Variants in XPA observed in about 807,000 individuals in gnomAD.
XPA encodes the protein XPA, DNA damage recognition and repair factor.
Under a neutral mutation model 35.7 loss-of-function variants are expected in XPA, and 27 were observed. The ratio of observed to expected loss-of-function variants is 0.76; its 90% confidence interval spans 0.56 to 1.04. The LOEUF (loss-of-function observed/expected upper bound fraction) is 1.04, where lower values mean the gene tolerates loss of function less well. Ranked by LOEUF, XPA falls within the 50% of genes least tolerant of loss-of-function variation. The pLI is 0.00. For synonymous variants in XPA, 133 were observed against 118.4 expected, an observed-to-expected ratio of 1.12 and a Z score of -0.80; for missense variants, 354 against 342.7, an observed-to-expected ratio of 1.03 and a Z score of -0.26.
chr9:97,672,213 A>C (rs1244607196), downstream of XPA: 1 of 152,146 alleles, frequency 6.6e-6, no homozygotes, highest in Non-Finnish European at 1.5e-5. Flanking sequence ...AATTTCGAGG[A>C]TTTTTAGACT....
the XPA span, chr9:97,669,539 C>A: frequency 7.8e-7 from 1 of 1,290,274 alleles, no homozygotes; most frequent in Non-Finnish European, 1.1e-6. Context: ...GAATTTTTTT[C>A]CAAAGTATAA....
intron 5 of XPA, among the ~76,000 whole-genome samples, chr9:97,676,751 T>C (rs3176743): frequency 0.029 from 4,362 of 152,254 alleles, 92 homozygotes; most frequent in Non-Finnish European, 0.041. Flanking sequence ...AAGTTATAAG[T>C]TGCTCAAGGT....
intron 5 of XPA, among the ~76,000 whole-genome samples, chr9:97,681,977 ACAG>A (rs950573877): frequency 2.6e-4 from 40 of 152,186 alleles, no homozygotes; most frequent in African/African-American, 9.4e-4. Flanking sequence ...AAAAAACTGA[ACAG>A]CAGTTTCTGC....
At chr9:97,680,270 G>T (rs1408629183) in intron 5 of XPA, among the ~76,000 whole-genome samples, 1 of 152,028 alleles carries the variant, frequency 6.6e-6, no homozygotes, top group Non-Finnish European at 1.5e-5. Context: ...GTGCAATGGG[G>T]GGATCTCAGC....
chr9:97,684,331 G>C (rs557237099), intron 5 of XPA, among the ~76,000 whole-genome samples: 1 of 152,152 alleles, frequency 6.6e-6, no homozygotes, highest in Admixed American at 6.5e-5. Context: ...TTAATGCAGC[G>C]ATAGATGGAC....
At chr9:97,691,820 T>G (rs1046493688) in intron 2 of XPA, among the ~76,000 whole-genome samples, 1 of 148,824 alleles carries the variant, frequency 6.7e-6, no homozygotes, top group Non-Finnish European at 1.5e-5. Context: ...GAGGTGGAGG[T>G]TGCAGTAAGC....
chr9:97,675,822 G>T, intron 5 of XPA: 1 of 574,642 alleles, frequency 1.7e-6, no homozygotes, highest in Non-Finnish European at 3.1e-6. Context: ...TGTGAAACAA[G>T]AGATTCAGAA....
chr9:97,675,544 C>T lies in XPA; in HGVS notation c.717G>A (p.Thr239=), dbSNP rs373644319. The change falls in exon 6 of 6, where the codon ACG becomes ACA. Residue 239 remains threonine, a synonymous_variant. Transcript: ENST00000375128. ...AVRSSVWKRE[T]IVHQHEYGPE... is the part of the protein sequence containing the mutation. ...GTCCATACTCATGTTGATGAACAAT[C>T]GTCTCCCTTTTCCACACGCTGCTTC... 1.1e-5 allele frequency: 18 copies of T among 1,613,786 alleles called. No homozygotes were observed. Among genetic ancestry groups the T allele is most frequent in the Middle Eastern group, 1.6e-4 (1 of 6,084 alleles).
chr9:97,682,549 A>G (rs1828579216), intron 5 of XPA: 1 of 460,252 alleles, frequency 2.2e-6, no homozygotes, highest in Non-Finnish European at 4.3e-6. Flanking sequence ...TATGCACAAA[A>G]GCAGTAAAAC....
intron 5 of XPA, 149 bp downstream of exon 5, chr9:97,684,774 A>G (rs932727361): frequency 8.4e-6 from 6 of 717,912 alleles, no homozygotes; most frequent in Non-Finnish European, 1.5e-5. Context: ...GAAGACCAAC[A>G]TACTGAGGGC....
the XPA span, chr9:97,666,838 G>A: frequency 6.2e-7 from 1 of 1,609,788 alleles, no homozygotes; most frequent in Non-Finnish European, 8.5e-7. Flanking sequence ...AGAAAGAGCT[G>A]GAAGAAGCTA....
chr9:97,691,820 T>C (rs1046493688), intron 2 of XPA, among the ~76,000 whole-genome samples: 13 of 148,824 alleles, frequency 8.7e-5, no homozygotes, highest in Non-Finnish European at 1.6e-4. Flanking sequence ...GAGGTGGAGG[T>C]TGCAGTAAGC....
chr9:97,685,141 C>A, intron 4 of XPA, 101 bp from the exon 5 acceptor site: 25 of 837,990 alleles, frequency 3.0e-5, no homozygotes, highest in Middle Eastern at 5.3e-4. Context: ...TGATCTAACT[C>A]AAGTATAAAT....
chr9:97,666,723 T>C, the XPA span: 1 of 1,309,788 alleles, frequency 7.6e-7, no homozygotes, highest in African/African-American at 1.5e-5. Context: ...TCTGTAACCA[T>C]AGCTTGACAT....
chr9:97,674,698 C>T (rs1828294980), downstream of XPA, among the ~76,000 whole-genome samples: 1 of 152,162 alleles, frequency 6.6e-6, no homozygotes, highest in South Asian at 2.1e-4. Flanking sequence ...GAACATACTC[C>T]TAAGGCACTT....
At chr9:97,695,700 C>G (rs576706968) in intron 1 of XPA, among the ~76,000 whole-genome samples, 1 of 152,258 alleles carries the variant, frequency 6.6e-6, no homozygotes, top group South Asian at 2.1e-4. Flanking sequence ...TTCAGTCTTT[C>G]ATGGCATATG....
the XPA span, among the ~76,000 whole-genome samples, chr9:97,657,926 ATTT>A: frequency 0.044 from 4,020 of 91,296 alleles, 104 homozygotes; most frequent in Admixed American, 0.067. Context: ...ATATATATAT[ATTT>A]TTTTTTTTTT....
the XPA span, among the ~76,000 whole-genome samples, chr9:97,664,709 G>A: frequency 1.3e-5 from 2 of 152,216 alleles, no homozygotes; most frequent in Non-Finnish European, 2.9e-5. Context: ...GATCCAGACT[G>A]TTGGGAGAGA....
chr9:97,679,488 T>C (rs1564039450), intron 5 of XPA, among the ~76,000 whole-genome samples: 1 of 152,154 alleles, frequency 6.6e-6, no homozygotes, highest in Non-Finnish European at 1.5e-5. Context: ...AAATGAATCA[T>C]GACTGGAATG....
Sources: allele counts gnomAD v4.1 joint callset (sites outside exome capture counted in the v4.1 genomes callset), GRCh38; gene constraint gnomAD v4.1.1; transcripts MANE v1.5; gene names NCBI Gene and HGNC (gene_info 2026-07-23, HGNC 2026-07-21).